The following TTN variants were observed in gnomAD, a reference collection of about 807,000 sequenced individuals.
The protein encoded by TTN is titin.
In TTN, 1,525 loss-of-function variants were observed where a neutral mutation model predicts 3,223.0. The observed-to-expected ratio is 0.47, with a 90% confidence interval of 0.45 to 0.49. The LOEUF (loss-of-function observed/expected upper bound fraction) is 0.49. Among genes scored for constraint, TTN ranks in the 20% least tolerant of loss-of-function variants. The pLI is 0.00. For synonymous variants in TTN, 14,094 were observed against 15,161.0 expected (o/e 0.93, Z 5.17); for missense variants, 40,786 against 43,424.0 (o/e 0.94, Z 5.40).
At position 178,608,596 on chromosome 2, in the gene TTN, G is replaced by A. The variant is rs369447385; in HGVS notation, c.52405+10C>T. 6.2e-7 allele frequency: 1 copy of A among 1,605,858 alleles called. No homozygotes were observed. The highest frequency in any genetic ancestry group is 1.1e-5 in the South Asian group (1 of 89,158). On this transcript the variant is annotated intron_variant, in intron 274 of 362. Transcript: ENST00000589042. ...AAAAAGGCAAACTTTAGATGCCAAA[G>A]GAAACTTACCAAATGGATCTTTAGC...
chr2:178,745,357 C>T, intron 47 of TTN: 5 of 1,387,868 alleles, frequency 3.6e-6, no homozygotes, highest in Non-Finnish European at 4.7e-6. Flanking sequence ...TTTGATATTA[C>T]ACAGCATGAT....
chr2:178,699,729 T>A lies in TTN; in HGVS notation c.30683-815A>T, dbSNP rs1332459154. ...CCCAGCCCACTCTTTTTTAATTTTT[T>A]TTTTTTTTTTTTTTTGAGACGGAGT... On this transcript the variant is annotated intron_variant, in intron 111 of 362. Coordinates refer to ENST00000589042, the MANE Select transcript of TTN (RefSeq NM_001267550.2). 2.6e-4 allele frequency among the ~76,000 whole-genome samples: 31 copies of A among 119,874 alleles called. 1 individual carries two copies. The highest frequency in any genetic ancestry group is 9.8e-4 in the African/African-American group (30 of 30,652). The allele number at this position is 119,874 out of a possible 152,430, so 78.6% of individuals were successfully genotyped here. A position where few individuals can be genotyped will look rare whatever the true frequency, so the allele number is the denominator to read the frequency against.
chr2:178,640,637 G>T lies in TTN; in HGVS notation c.40634-7C>A. The T allele has an allele frequency of 6.4e-7, 1 of 1,562,416 alleles. No individual in the cohort carries two copies. Among genetic ancestry groups the T allele is most frequent in the African/African-American group, 1.4e-5 (1 of 70,536 alleles). ...GGAGGTGGTGGTTCTGGTACTTTAA[G>T]ATAAGATTATTTTTTCAGTGTTAAT... On this transcript the variant is annotated splice_polypyrimidine_tract_variant and splice_region_variant and intron_variant, in intron 220 of 362. Coordinates refer to ENST00000589042, the MANE Select transcript of TTN (RefSeq NM_001267550.2).
At chr2:178,606,886 T>TTTGA in intron 278 of TTN, 135 bp downstream of exon 278, 4 of 977,316 alleles carry the variant, frequency 4.1e-6, no homozygotes, top group Non-Finnish European at 5.8e-6. Context: ...CTAATAGTTT[T>TTTGA]TTGATTTACT....
chr2:178,664,714 C>T lies in TTN; in HGVS notation c.36142G>A (p.Val12048Ile). Residue 12048 changes from valine (V) to isoleucine (I), a missense_variant, in exon 167 of 363, where the codon GTC becomes ATC. Coordinates refer to ENST00000589042, the MANE Select transcript of TTN (RefSeq NM_001267550.2). ...ACCACAAGCGTTTTCTTTTCAGGGACAATTTCTTGGAGAGCTTCAGGCACT... is the reference window on the plus strand; with the variant it reads ...ACCACAAGCGTTTTCTTTTCAGGGATAATTTCTTGGAGAGCTTCAGGCACT... Reference protein sequence around the residue: ...VKVPEALQEIVPEKKTLVVPL... With the variant: ...VKVPEALQEIIPEKKTLVVPL... The T allele has an allele frequency of 6.2e-7, 1 of 1,612,450 alleles. No individual in the cohort carries two copies. Among genetic ancestry groups the T allele is most frequent in the African/African-American group, 1.3e-5 (1 of 75,006 alleles).
At chr2:178,583,266 G>A (rs1200637506) in intron 312 of TTN, 39 bp from the exon 313 acceptor site, 6 of 1,476,612 alleles carry the variant, frequency 4.1e-6, no homozygotes, top group Non-Finnish European at 5.4e-6. Context: ...TGTATGCAAA[G>A]CTATATTATG....
chr2:178,748,475 T>C (rs1356824072), intron 47 of TTN: 4 of 1,613,004 alleles, frequency 2.5e-6, no homozygotes, highest in Admixed American at 3.3e-5. Context: ...ATAATGTATT[T>C]CCTGCTGTTC....
At chr2:178,527,820 A>C in intron 361 of TTN, 72 bp from the exon 362 acceptor site, 1 of 1,419,870 alleles carries the variant, frequency 7.0e-7, no homozygotes, top group Non-Finnish European at 9.4e-7. Context: ...ACGCTGACTT[A>C]CAGAAATGGA....
In TTN at chr2:178,767,979, GA is replaced by G. The variant is rs1477318067; in HGVS notation, c.9305+34del. 2.5e-6 allele frequency: 4 copies of G among 1,613,926 alleles called. No individual in the cohort carries two copies. In the African/African-American group the frequency reaches 5.3e-5, roughly 22 times the overall value. On this transcript the variant is annotated intron_variant, in intron 39 of 362. Coordinates refer to ENST00000589042, the MANE Select transcript of TTN (RefSeq NM_001267550.2). ...CGTATGGTGATTCAGAGGAAACTGG[GA>G]ATTACTGGAATGTAGCAAGACAAAA...
In TTN at chr2:178,564,313, T is replaced by C. The variant is rs1211714088; in HGVS notation, c.81819A>G (p.Pro27273=). 2 of 1,613,696 alleles carry C rather than the reference T, an allele frequency of 1.2e-6. No homozygotes were observed. The highest frequency in any genetic ancestry group is 1.7e-5 in the Admixed American group (1 of 60,004). The part of the protein sequence containing the change: ...AITARDEIDA[P]NASLDPKYKD... Reference sequence around the variant, plus strand: ...TATATTTTGGATCCAGAGAGGCATTTGGTGCATCAATTTCATCTCTTGCAG... The same window carrying C: ...TATATTTTGGATCCAGAGAGGCATTCGGTGCATCAATTTCATCTCTTGCAG... Residue 27273 remains proline, a synonymous_variant, in exon 326 of 363, where the codon CCA becomes CCG. Coordinates refer to ENST00000589042, the MANE Select transcript of TTN (RefSeq NM_001267550.2).
At chr2:178,645,480 A>G (rs2061794893) in intron 217 of TTN, among the ~76,000 whole-genome samples, 1 of 152,142 alleles carries the variant, frequency 6.6e-6, no homozygotes, top group Non-Finnish European at 1.5e-5. Flanking sequence ...AATATATTTA[A>G]AAGCACATGC....
At position 178,565,247 on chromosome 2, in the gene TTN, G is replaced by A. The variant is rs778900963; in HGVS notation, c.80885C>T (p.Thr26962Ile). 1.2e-6 allele frequency: 2 copies of A among 1,613,586 alleles called. No individual in the cohort carries two copies. Among genetic ancestry groups the A allele is most frequent in the South Asian group, 1.1e-5 (1 of 91,076 alleles). ...TAAAACGATAACACTGAGATTTTCT[G>A]TTGCTGTGCCTGCACTATTTGTTGC... ...VTATNSAGTA[T>I]ENLSVIVLEK... Residue 26962 changes from threonine to isoleucine, a missense_variant, in exon 326 of 363, where the codon ACA (threonine) becomes ATA (isoleucine). Thr to Ile is a moderately conservative substitution (Grantham distance 89, BLOSUM62 -1). Coordinates refer to ENST00000589042, the MANE Select transcript of TTN (RefSeq NM_001267550.2).
chr2:178,775,026 G>A lies in TTN; in HGVS notation c.6685C>T (p.His2229Tyr), dbSNP rs56851316. The change falls in exon 29 of 363, where the codon CAC becomes TAC. Residue 2229 changes from histidine to tyrosine, a missense_variant. By Grantham distance (83) the His-to-Tyr change is moderately conservative. Coordinates refer to ENST00000589042, the MANE Select transcript of TTN (RefSeq NM_001267550.2). ...KYRMHSDRKV[H>Y]FLSILTIDTS... is the part of the protein sequence containing the mutation. Reference sequence around the variant, plus strand: ...TCAATGGTCAGTATGGAGAGGAAGTGAACCTTTCTGTCAGAGTGCATCCTG... The same window carrying A: ...TCAATGGTCAGTATGGAGAGGAAGTAAACCTTTCTGTCAGAGTGCATCCTG... 2 of 1,613,992 alleles carry A rather than the reference G, an allele frequency of 1.2e-6. No homozygotes were observed. The highest frequency in any genetic ancestry group is 4.5e-5 in the East Asian group (2 of 44,836).
rs1460118943 is a variant in TTN, at chr2:178,601,180, ATAAT to A, written c.55733-13_55733-10del. 2.0e-5 allele frequency: 30 copies of A among 1,522,422 alleles called. No homozygotes were observed. Among genetic ancestry groups the A allele is most frequent in the Non-Finnish European group, 2.5e-5 (29 of 1,139,070 alleles). The allele number at this position is 1,522,422 out of a possible 1,614,324, so 94.3% of individuals were successfully genotyped here. A position where few individuals can be genotyped will look rare whatever the true frequency, so the allele number is the denominator to read the frequency against. Reference sequence around the variant, plus strand: ...AGGAGGATCAGGAGGATCTGTAAAAATAATTAAAGGAAGTATTAAGCGTTGTTTA... The same window carrying A: ...AGGAGGATCAGGAGGATCTGTAAAAATAAAGGAAGTATTAAGCGTTGTTTA... On this transcript the variant is annotated splice_polypyrimidine_tract_variant and intron_variant, in intron 287 of 362. Coordinates refer to ENST00000589042, the MANE Select transcript of TTN (RefSeq NM_001267550.2).
In TTN at chr2:178,573,830, G is replaced by T. The variant is rs192962624; in HGVS notation, c.72302C>A (p.Thr24101Asn). ...GCCACCAGGATTAGTCGCTGTAAGG[G>T]TATAGGCACCACTATCCCTTCTTGT... The part of the protein sequence containing the change: ...DSTRRDSGAY[T>N]LTATNPGGFA... The change falls in exon 326 of 363, where the codon ACC (threonine) becomes AAC (asparagine). Residue 24101 changes from threonine (T) to asparagine (N), a missense_variant. By Grantham distance (65) the Thr-to-Asn change is moderately conservative (BLOSUM62 0). Transcript: ENST00000589042. 1.4e-4 allele frequency: 223 copies of T among 1,612,438 alleles called. 2 individuals carry two copies. The East Asian group carries it at 3.0e-3, about 22-fold the overall frequency.
chr2:178,634,167 C>T lies in TTN; in HGVS notation c.42416-84G>A. 1 of 1,550,304 alleles carries T rather than the reference C, an allele frequency of 6.5e-7. No individual in the cohort carries two copies. Among genetic ancestry groups the T allele is most frequent in the Non-Finnish European group, 8.7e-7 (1 of 1,153,318 alleles). ...TTCTAATCTGCCTGAGTAAAAGGGACCCATTTCACATGGCACTTATTTATT... is the reference window on the plus strand; with the variant it reads ...TTCTAATCTGCCTGAGTAAAAGGGATCCATTTCACATGGCACTTATTTATT... On this transcript the variant is annotated intron_variant, in intron 230 of 362. Transcript: ENST00000589042. The surrounding 1 kb of genome is among the most constrained non-coding windows in gnomAD (Gnocchi z 4.6).
At chr2:178,665,121 G>C (rs2065682552) in intron 165 of TTN, among the ~76,000 whole-genome samples, 195 bp from the exon 166 acceptor site, 1 of 152,014 alleles carries the variant, frequency 6.6e-6, no homozygotes, top group Admixed American at 6.6e-5. Context: ...GAACCTCACA[G>C]AGCTCTCGCG....
chr2:178,752,149 C>G, intron 47 of TTN: 2 of 951,404 alleles, frequency 2.1e-6, no homozygotes, highest in Non-Finnish European at 3.1e-6. Context: ...ACAGATCTCA[C>G]AAATCCATAG....
chr2:178,797,952 T>C (rs1337041980), intron 6 of TTN, among the ~76,000 whole-genome samples: 1 of 152,100 alleles, frequency 6.6e-6, no homozygotes, highest in Non-Finnish European at 1.5e-5. Context: ...TTTATGTTTG[T>C]TTGCTTCCAG....
Sources: allele counts gnomAD v4.1 joint callset (sites outside exome capture counted in the v4.1 genomes callset), GRCh38; gene constraint gnomAD v4.1.1; non-coding constraint Gnocchi (gnomAD v3.1); transcripts MANE v1.5; gene names NCBI Gene and HGNC (gene_info 2026-07-23, HGNC 2026-07-21).